The following DSCAM variants were observed in gnomAD, a reference collection of about 807,000 sequenced individuals.
DSCAM encodes the protein cell adhesion molecule DSCAM.
A neutral mutation model predicts 217.7 loss-of-function variants in DSCAM; 47 were observed. The ratio of observed to expected loss-of-function variants is 0.22; its 90% confidence interval spans 0.17 to 0.28. DSCAM has a LOEUF of 0.28. Ranked by LOEUF, DSCAM falls within the 10% of genes least tolerant of loss-of-function variation. The probability of loss-of-function intolerance (pLI) is 1.00; values close to 1 mark genes in which losing one functional copy is unlikely to be tolerated. For synonymous variants in DSCAM, 1,056 were observed against 1,015.3 expected (o/e 1.04, Z -0.76); for missense variants, 2,080 against 2,618.3 (o/e 0.79, Z 4.49).
chr21:40,321,779 T>C (rs948917002), intron 8 of DSCAM, among the ~76,000 whole-genome samples: 10 of 152,174 alleles, frequency 6.6e-5, no homozygotes, highest in Non-Finnish European at 1.0e-4. Context: ...TCTGTGCAGA[T>C]GCAGACCTTC....
intron 2 of DSCAM, among the ~76,000 whole-genome samples, chr21:40,704,174 C>T (rs750470589): frequency 1.3e-5 from 2 of 152,200 alleles, no homozygotes; most frequent in African/African-American, 2.4e-5. Flanking sequence ...CCCTGTGCTC[C>T]GTCTGTTCAA....
intron 1 of DSCAM, among the ~76,000 whole-genome samples, chr21:40,758,725 G>C (rs1317773735): frequency 6.6e-6 from 1 of 151,886 alleles, no homozygotes; most frequent in African/African-American, 2.4e-5. Flanking sequence ...GGTTTCTTGG[G>C]GAAGCTGGGG....
At chr21:40,323,579 C>T (rs924728905) in intron 8 of DSCAM, among the ~76,000 whole-genome samples, 1 of 152,150 alleles carries the variant, frequency 6.6e-6, no homozygotes, top group Non-Finnish European at 1.5e-5. Flanking sequence ...TTGTTGCTCA[C>T]TAACTTAAAA....
intron 28 of DSCAM, among the ~76,000 whole-genome samples, chr21:40,062,362 G>A (rs2089136561): frequency 6.6e-6 from 1 of 152,210 alleles, no homozygotes; most frequent in Non-Finnish European, 1.5e-5. Context: ...AACTATGAAG[G>A]CTGTGACTTC....
At chr21:40,401,482 C>T (rs2075233472) in intron 3 of DSCAM, among the ~76,000 whole-genome samples, 2 of 152,270 alleles carry the variant, frequency 1.3e-5, no homozygotes, top group African/African-American at 4.8e-5. Flanking sequence ...GCAGCCTTGA[C>T]ACCTGCTGAG....
At chr21:40,597,467 T>C (rs1260626241) in intron 3 of DSCAM, among the ~76,000 whole-genome samples, 1 of 151,650 alleles carries the variant, frequency 6.6e-6, no homozygotes, top group Non-Finnish European at 1.5e-5. Context: ...GGTTTTTTTT[T>C]TTTTTTTAAC....
chr21:40,793,932 C>T (rs2091669063), intron 1 of DSCAM, among the ~76,000 whole-genome samples: 1 of 152,070 alleles, frequency 6.6e-6, no homozygotes, highest in Non-Finnish European at 1.5e-5. Flanking sequence ...GAGACAAATG[C>T]TTATTAGTTT....
intron 1 of DSCAM, among the ~76,000 whole-genome samples, chr21:40,829,368 G>T (rs917268350): frequency 6.6e-6 from 1 of 152,216 alleles, no homozygotes; most frequent in Non-Finnish European, 1.5e-5. Flanking sequence ...ATCAACTAGG[G>T]CAGTGAGGTA....
At position 40,806,119 on chromosome 21, in the gene DSCAM, G is replaced by C. The variant is rs139424169; in HGVS notation, c.43+40500C>G. Among the ~76,000 whole-genome samples the C allele has an allele frequency of 7.2e-4, 109 of 152,270 alleles. No individual in the cohort carries two copies. The Middle Eastern group carries it at 0.014, about 19-fold the overall frequency. On this transcript the variant is annotated intron_variant, in intron 1 of 32. Coordinates refer to ENST00000400454, the MANE Select transcript of DSCAM (RefSeq NM_001389.5). ...TGCTGGGCTCTTCTCAGATCCTTCA[G>C]CACATCATGATTTACTATCCCTGGA... is the stretch of plus-strand genomic sequence containing the variant.
chr21:40,470,279 T>G (rs2075877153), intron 3 of DSCAM, among the ~76,000 whole-genome samples: 1 of 152,240 alleles, frequency 6.6e-6, no homozygotes, highest in Non-Finnish European at 1.5e-5. Context: ...CTCATTAATG[T>G]TACGTGTCTG....
chr21:40,841,821 G>T (rs73227948), intron 1 of DSCAM, among the ~76,000 whole-genome samples: 1 of 152,208 alleles, frequency 6.6e-6, no homozygotes, highest in African/African-American at 2.4e-5. Context: ...CCCGCTACCC[G>T]CTGCAACACC....
chr21:40,442,632 G>T (rs2075641576), intron 3 of DSCAM, among the ~76,000 whole-genome samples: 2 of 145,820 alleles, frequency 1.4e-5, no homozygotes, highest in South Asian at 4.3e-4. Context: ...AAGTTCTTCT[G>T]CCTCAGCCTC....
intron 10 of DSCAM, 81 bp from the exon 11 acceptor site, chr21:40,276,351 T>A (rs2073687653): frequency 1.5e-6 from 2 of 1,322,222 alleles, no homozygotes; most frequent in African/African-American, 1.5e-5. Flanking sequence ...ACACACAGAC[T>A]CATAAAGAGA....
intron 3 of DSCAM, among the ~76,000 whole-genome samples, chr21:40,556,040 T>C (rs747453603): frequency 4.6e-5 from 7 of 152,096 alleles, no homozygotes; most frequent in Non-Finnish European, 8.8e-5. Context: ...GTAAGAAAAA[T>C]AGAGTGTATA....
chr21:40,576,252 T>A (rs2076849627), intron 3 of DSCAM, among the ~76,000 whole-genome samples: 1 of 152,182 alleles, frequency 6.6e-6, no homozygotes, highest in South Asian at 2.1e-4. Context: ...AGTTCTGAAA[T>A]CAGCAACAAC....
At position 40,498,645 on chromosome 21, in the gene DSCAM, T is replaced by C. The variant is rs1264661119; in HGVS notation, c.509-129400A>G. On this transcript the variant is annotated intron_variant, in intron 3 of 32. Coordinates refer to ENST00000400454, the MANE Select transcript of DSCAM (RefSeq NM_001389.5). The stretch of plus-strand genomic sequence containing the variant: ...TATGCACTATGTATATATATATATA[T>C]AGTGTGTGTGTATATATATACCCAT... 4.1e-4 allele frequency among the ~76,000 whole-genome samples: 45 copies of C among 111,042 alleles called. 2 individuals are homozygous for C. Among genetic ancestry groups the C allele is most frequent in the African/African-American group, 1.2e-3 (40 of 32,754 alleles). The allele number at this position is 111,042 out of a possible 152,430, so 72.8% of individuals were successfully genotyped here. A position where few individuals can be genotyped will look rare whatever the true frequency, so the allele number is the denominator to read the frequency against.
At chr21:40,432,237 A>AATAAATAAATAAATAAATAT (rs1192388487) in intron 3 of DSCAM, among the ~76,000 whole-genome samples, 1 of 150,666 alleles carries the variant, frequency 6.6e-6, no homozygotes, top group Non-Finnish European at 1.5e-5. Flanking sequence ...TAAATAAATA[A>AATAAATAAATAAATAAATAT]ATATCTTCTT....
rs757462332 is a variant in DSCAM at position 40,078,892 on chromosome 21, G to A, written c.4506C>T (p.Gly1502=). 6.5e-5 allele frequency: 105 copies of A among 1,614,018 alleles called. No individual in the cohort carries two copies. In the Admixed American group the frequency reaches 7.3e-4, roughly 11 times the overall value. ...VRLNLIGWND[G]GCPITSFTLE... ...GTGTGAAGGAGGTGATGGGGCAGCC[G>A]CCATCATTCCAGCCAATGAGGTTCA... The change falls in exon 26 of 33, where the codon GGC becomes GGT. Residue 1502 remains glycine (G), a synonymous_variant. Coordinates refer to ENST00000400454, the MANE Select transcript of DSCAM (RefSeq NM_001389.5).
intron 3 of DSCAM, among the ~76,000 whole-genome samples, chr21:40,375,999 T>C (rs2074946323): frequency 6.6e-6 from 1 of 152,222 alleles, no homozygotes; most frequent in South Asian, 2.1e-4. Context: ...GGTTAAGCTG[T>C]TAGATCTTCA....
Sources: allele counts gnomAD v4.1 joint callset (sites outside exome capture counted in the v4.1 genomes callset), GRCh38; gene constraint gnomAD v4.1.1; transcripts MANE v1.5; gene names NCBI Gene and HGNC (gene_info 2026-07-23, HGNC 2026-07-21).